The following ADAMTSL3 variants were observed in gnomAD, a reference collection of about 807,000 sequenced individuals.
ADAMTSL3 encodes ADAMTS like 3.
A neutral mutation model predicts 201.7 loss-of-function variants in ADAMTSL3; 128 were observed. The observed-to-expected ratio is 0.63, with a 90% CI of 0.55 to 0.73. The LOEUF (loss-of-function observed/expected upper bound fraction) is 0.73. Ranked by LOEUF, ADAMTSL3 falls within the 30% of genes least tolerant of loss-of-function variation. The pLI is 0.00. For synonymous variants in ADAMTSL3, 738 were observed against 748.4 expected (o/e 0.99, Z 0.23); for missense variants, 1,990 against 2,119.6 (o/e 0.94, Z 1.20).
intron 28 of ADAMTSL3, among the ~76,000 whole-genome samples, chr15:84,036,067 A>G (rs1218164453): frequency 6.6e-6 from 1 of 152,144 alleles, no homozygotes; most frequent in African/African-American, 2.4e-5. Flanking sequence ...GACACTCTCA[A>G]GCAGTGCAAA....
chr15:83,684,565 A>G (rs1188569658), intron 2 of ADAMTSL3, among the ~76,000 whole-genome samples: 3 of 151,892 alleles, frequency 2.0e-5, no homozygotes, highest in Non-Finnish European at 4.4e-5. Flanking sequence ...ACATAGCAAG[A>G]CCCCATCTCT....
chr15:83,997,903 T>C (rs1394366292), intron 23 of ADAMTSL3, among the ~76,000 whole-genome samples: 5 of 152,124 alleles, frequency 3.3e-5, no homozygotes, highest in Non-Finnish European at 7.4e-5. Context: ...ATTGGTCCTT[T>C]GCAGGAATCT....
chr15:84,027,535 C>G (rs1032954036), intron 27 of ADAMTSL3, among the ~76,000 whole-genome samples: 7 of 152,024 alleles, frequency 4.6e-5, no homozygotes, highest in African/African-American at 7.2e-5. Context: ...ATGGTGAAAC[C>G]CTGTCTCTAC....
intron 12 of ADAMTSL3, among the ~76,000 whole-genome samples, chr15:83,891,825 A>G (rs1196679144): frequency 1.3e-5 from 2 of 152,242 alleles, no homozygotes; most frequent in Non-Finnish European, 2.9e-5. Context: ...GGTCTTATGA[A>G]GGGTAAATAG....
chr15:83,987,717 G>C (rs1264049936), intron 21 of ADAMTSL3, among the ~76,000 whole-genome samples: 2 of 152,176 alleles, frequency 1.3e-5, no homozygotes, highest in African/African-American at 4.8e-5. Context: ...TCTGGAAACA[G>C]TTAAGGTTCA....
At chr15:84,010,330 A>G (rs893699616) in intron 23 of ADAMTSL3, among the ~76,000 whole-genome samples, 6 of 152,186 alleles carry the variant, frequency 3.9e-5, no homozygotes, top group Non-Finnish European at 7.3e-5. Flanking sequence ...TTCCAAAATA[A>G]TAGTGTCTGA....
chr15:83,891,547 G>T (rs1303734949), intron 12 of ADAMTSL3, among the ~76,000 whole-genome samples, 168 bp downstream of exon 12: 1 of 152,200 alleles, frequency 6.6e-6, no homozygotes, highest in Non-Finnish European at 1.5e-5. Flanking sequence ...CTAAGAATTA[G>T]ATGGAATAGA....
intron 26 of ADAMTSL3, among the ~76,000 whole-genome samples, chr15:84,023,313 A>G (rs1466448160): frequency 1.3e-5 from 2 of 152,254 alleles, no homozygotes; most frequent in Non-Finnish European, 2.9e-5. Flanking sequence ...TGAAGAAGAT[A>G]CTAACATTTT....
intron 17 of ADAMTSL3, among the ~76,000 whole-genome samples, chr15:83,932,164 T>C (rs1171753914): frequency 6.6e-6 from 1 of 152,198 alleles, no homozygotes; most frequent in South Asian, 2.1e-4. Flanking sequence ...ATGATCACCA[T>C]AGAGCTAAAC....
At chr15:83,767,612 A>G (rs898305736) in intron 3 of ADAMTSL3, among the ~76,000 whole-genome samples, 3 of 152,120 alleles carry the variant, frequency 2.0e-5, no homozygotes, top group Non-Finnish European at 2.9e-5. Context: ...GGGCTAACCA[A>G]TGTGGAGCTG....
At chr15:83,708,747 G>A (rs544575285) in intron 3 of ADAMTSL3, among the ~76,000 whole-genome samples, 8 of 152,230 alleles carry the variant, frequency 5.3e-5, no homozygotes, top group South Asian at 4.2e-4. Context: ...AATATTCCAC[G>A]TTGCAGAGTG....
At chr15:83,824,442 T>A (rs1479151798) in intron 6 of ADAMTSL3, among the ~76,000 whole-genome samples, 1 of 152,196 alleles carries the variant, frequency 6.6e-6, no homozygotes, top group Non-Finnish European at 1.5e-5. Context: ...CCCACTAAAG[T>A]GATACAGTTA....
At chr15:83,998,615 T>C (rs1596518088) in intron 23 of ADAMTSL3, among the ~76,000 whole-genome samples, 1 of 152,164 alleles carries the variant, frequency 6.6e-6, no homozygotes, top group South Asian at 2.1e-4. Flanking sequence ...TTGAGGGGAT[T>C]TGAACAGCCT....
chr15:83,780,700 T>C, intron 4 of ADAMTSL3, among the ~76,000 whole-genome samples: 1 of 152,168 alleles, frequency 6.6e-6, no homozygotes, highest in Non-Finnish European at 1.5e-5. Context: ...ACATATCCTA[T>C]ATCTGGAAAA....
intron 17 of ADAMTSL3, among the ~76,000 whole-genome samples, chr15:83,931,032 G>A (rs1348604650): frequency 6.6e-6 from 1 of 152,152 alleles, no homozygotes. Context: ...GGTGTTGGAT[G>A]TTTATTTGCT....
In ADAMTSL3 at chr15:83,942,588, T is replaced by C. The variant is rs1267613062; in HGVS notation, c.2118-8T>C. On this transcript the variant is annotated splice_region_variant and splice_polypyrimidine_tract_variant and intron_variant, in intron 17 of 29. Transcript: ENST00000286744. ...TGTTCAACTTTCCCCACTTGTTTTC[T>C]GTTTTAGGTGGCATGTGGGCTCTTG... is the stretch of plus-strand genomic sequence containing the variant. The C allele has an allele frequency of 6.2e-7, 1 of 1,606,652 alleles. No individual in the cohort carries two copies. Among genetic ancestry groups the C allele is most frequent in the Non-Finnish European group, 8.5e-7 (1 of 1,176,506 alleles).
chr15:83,692,287 G>T (rs905066928), intron 2 of ADAMTSL3, among the ~76,000 whole-genome samples: 3 of 134,082 alleles, frequency 2.2e-5, no homozygotes, highest in African/African-American at 1.0e-4. Context: ...AACCCCCAAG[G>T]ATTTTTTTTT....
At chr15:83,714,791 T>TTCTTTCTTTCTTTCTTTCTTTTTC (rs1555433213) in intron 3 of ADAMTSL3, among the ~76,000 whole-genome samples, 2 of 78,794 alleles carry the variant, frequency 2.5e-5, no homozygotes, top group South Asian at 4.1e-4. Flanking sequence ...TTCTTTTTCT[T>TTCTTTCTTTCTTTCTTTCTTTTTC]TCTCTCTCTT....
Position 83,745,300 on chromosome 15 carries a change from G to A in ADAMTSL3, c.190-28223G>A, listed in dbSNP as rs1018551119. On this transcript the variant is annotated intron_variant, in intron 3 of 29. Coordinates refer to ENST00000286744, the MANE Select transcript of ADAMTSL3 (RefSeq NM_207517.3). Reference sequence around the variant, plus strand: ...TCATGCAACCTGATTTTTCCTGGACGCTGGACAAGAGCTTGGGTGCCATTT... The same window carrying A: ...TCATGCAACCTGATTTTTCCTGGACACTGGACAAGAGCTTGGGTGCCATTT... Among the ~76,000 whole-genome samples, 3 of 152,240 alleles carry A rather than the reference G, an allele frequency of 2.0e-5. No homozygotes were observed. The South Asian group carries it at 6.2e-4, about 32-fold the overall frequency.
Sources: allele counts gnomAD v4.1 joint callset (sites outside exome capture counted in the v4.1 genomes callset), GRCh38; gene constraint gnomAD v4.1.1; transcripts MANE v1.5; gene names NCBI Gene and HGNC (gene_info 2026-07-23, HGNC 2026-07-21).